The following LRP8 variants were observed in gnomAD, a reference collection of about 807,000 sequenced individuals.
LRP8 encodes the protein low-density lipoprotein receptor-related protein 8.
In LRP8, 46 loss-of-function variants were observed where a neutral mutation model predicts 111.6. That is an observed-to-expected ratio of 0.41 (90% CI 0.33 to 0.53). The LOEUF (loss-of-function observed/expected upper bound fraction) is 0.53. LRP8 is among the 20% of genes least tolerant of loss of function. LRP8 has a pLI of 0.20. For synonymous variants in LRP8, 464 were observed against 511.2 expected (o/e 0.91, Z 1.24); for missense variants, 959 against 1,297.4 (o/e 0.74, Z 4.01).
chr1:53,283,231 G>A (rs1016290349), intron 3 of LRP8, among the ~76,000 whole-genome samples: 1 of 152,070 alleles, frequency 6.6e-6, no homozygotes, highest in African/African-American at 2.4e-5. Context: ...GATGAAGCAA[G>A]GAGGTGCAGT....
chr1:53,254,198 G>C (rs147486467), intron 16 of LRP8, among the ~76,000 whole-genome samples: 1 of 152,046 alleles, frequency 6.6e-6, no homozygotes, highest in African/African-American at 2.4e-5. Context: ...ACAGGATACC[G>C]TGTGGTCATC....
intron 16 of LRP8, among the ~76,000 whole-genome samples, chr1:53,251,444 G>C (rs1170382939): frequency 6.6e-6 from 1 of 151,894 alleles, no homozygotes; most frequent in Non-Finnish European, 1.5e-5. Flanking sequence ...GAGACACAGA[G>C]GGCAACACAA....
chr1:53,320,863 G>A (rs1256801699), intron 2 of LRP8, among the ~76,000 whole-genome samples: 1 of 152,206 alleles, frequency 6.6e-6, no homozygotes, highest in Admixed American at 6.5e-5. Context: ...GCGCTCAGCG[G>A]GGAACGGCTT....
In LRP8 at chr1:53,249,264, C is replaced by A; in HGVS notation, c.2853+116G>T. 1 of 1,138,704 alleles carries A rather than the reference C, an allele frequency of 8.8e-7. No individual in the cohort carries two copies. Among genetic ancestry groups the A allele is most frequent in the South Asian group, 1.6e-5 (1 of 64,308 alleles). 70.5% of individuals were successfully genotyped at this position (1,138,704 alleles called of 1,614,324 possible). ...CCCATTTTTCTTCTTTGCCCCAACACCCAGCTTACAATTTGCAGCCTTCCC... is the reference window on the plus strand; with the variant it reads ...CCCATTTTTCTTCTTTGCCCCAACAACCAGCTTACAATTTGCAGCCTTCCC... On this transcript the variant is annotated intron_variant, in intron 18 of 18. Coordinates refer to ENST00000306052, the MANE Select transcript of LRP8 (RefSeq NM_004631.5). This position sits in a 1 kb window ranked among gnomAD's most constrained non-coding sequence, Gnocchi z 4.1.
chr1:53,249,331 T>C lies in LRP8; in HGVS notation c.2853+49A>G. 6.3e-7 allele frequency: 1 copy of C among 1,591,252 alleles called. No homozygotes were observed. On this transcript the variant is annotated intron_variant, in intron 18 of 18. Transcript: ENST00000306052. The surrounding 1 kb of genome is among the most constrained non-coding windows in gnomAD (Gnocchi z 4.1). Reference sequence around the variant, plus strand: ...TAGGATTGGCTGCGCCTGCCTTGGTTCATGCCCTCACTCACCAGCCCCTCA... The same window carrying C: ...TAGGATTGGCTGCGCCTGCCTTGGTCCATGCCCTCACTCACCAGCCCCTCA...
intron 2 of LRP8, among the ~76,000 whole-genome samples, chr1:53,313,310 C>T (rs541706505): frequency 6.6e-6 from 1 of 152,020 alleles, no homozygotes; most frequent in African/African-American, 2.4e-5. Context: ...CCACAGCAGG[C>T]GCTTCCCAGG....
At chr1:53,311,554 A>C (rs1652997852) in intron 2 of LRP8, among the ~76,000 whole-genome samples, 1 of 151,898 alleles carries the variant, frequency 6.6e-6, no homozygotes, top group African/African-American at 2.4e-5. Flanking sequence ...AGACTGTGAG[A>C]ACCACAGAGG....
intron 18 of LRP8, among the ~76,000 whole-genome samples, chr1:53,247,905 C>G (rs1645777628): frequency 6.6e-6 from 1 of 152,172 alleles, no homozygotes; most frequent in African/African-American, 2.4e-5. Context: ...TTGTTTGCCT[C>G]TTTTCCATTT....
chr1:53,306,494 G>T (rs971715604), intron 2 of LRP8, among the ~76,000 whole-genome samples: 4 of 152,200 alleles, frequency 2.6e-5, no homozygotes, highest in Admixed American at 2.0e-4. Context: ...CTGGGTTTTG[G>T]TCCCAGCTCT....
intron 2 of LRP8, among the ~76,000 whole-genome samples, chr1:53,324,182 C>T (rs1422876866): frequency 6.6e-6 from 1 of 152,194 alleles, no homozygotes; most frequent in Non-Finnish European, 1.5e-5. Context: ...GCACCTATCA[C>T]CCCTCCATCC....
Position 53,262,505 on chromosome 1 carries a change from C to T in LRP8, c.1715G>A (p.Gly572Asp). 2 of 1,614,190 alleles carry T rather than the reference C, an allele frequency of 1.2e-6. No individual in the cohort carries two copies. Among genetic ancestry groups the T allele is most frequent in the Non-Finnish European group, 1.7e-6 (2 of 1,180,038 alleles). ...TGACACCAGTGTTTGCCGGTCCACA[C>T]CGTTGAGCCCAGATTTCTCAATCTT... is the stretch of plus-strand genomic sequence containing the variant. ...QAKIEKSGLN[G>D]VDRQTLVSDN... is the part of the protein sequence containing the mutation. Residue 572 changes from glycine (G) to aspartate (D), a missense_variant, in exon 11 of 19, where the codon GGT becomes GAT. By Grantham distance (94) the Gly-to-Asp change is moderately conservative (BLOSUM62 -1). Around this residue, in one of 3 missense-constraint regions of LRP8, gnomAD observed 819 missense variants for 1,097.6 expected, o/e 0.75. Transcript: ENST00000306052. This position sits in a 1 kb window ranked among gnomAD's most constrained non-coding sequence, Gnocchi z 4.8.
chr1:53,273,501 G>A (rs1323748178), intron 6 of LRP8, among the ~76,000 whole-genome samples: 1 of 152,214 alleles, frequency 6.6e-6, no homozygotes, highest in Non-Finnish European at 1.5e-5. Flanking sequence ...ACAGACACAA[G>A]CACGTGTGTA....
rs1645835351 is a variant in LRP8, at chr1:53,249,660, C to G, written c.2677-104G>C. ...GCTGTGCCACTTTGTGGTCCTCATTCCCCCAAAAAGCCATGCTGTGTTGTA... is the reference window on the plus strand; with the variant it reads ...GCTGTGCCACTTTGTGGTCCTCATTGCCCCAAAAAGCCATGCTGTGTTGTA... On this transcript the variant is annotated intron_variant, in intron 17 of 18. Transcript: ENST00000306052. This position sits in a 1 kb window ranked among gnomAD's most constrained non-coding sequence, Gnocchi z 4.1. 6.3e-6 allele frequency: 9 copies of G among 1,435,652 alleles called. No homozygotes were observed. The highest frequency in any genetic ancestry group is 7.3e-6 in the Non-Finnish European group (8 of 1,093,884). The allele number at this position is 1,435,652 out of a possible 1,614,324, so 88.9% of individuals were successfully genotyped here. A position where few individuals can be genotyped will look rare whatever the true frequency, so the allele number is the denominator to read the frequency against.
rs959789000 is a variant in LRP8, at chr1:53,249,878, G to T, written c.2677-322C>A. On this transcript the variant is annotated intron_variant, in intron 17 of 18. Coordinates refer to ENST00000306052, the MANE Select transcript of LRP8 (RefSeq NM_004631.5). The surrounding 1 kb of genome is among the most constrained non-coding windows in gnomAD (Gnocchi z 4.1). Reference sequence around the variant, plus strand: ...CATGGCATCTGTTCAACAAATATTTGTTGGGAGTCAGCCATGCCGTGCTAG... The same window carrying T: ...CATGGCATCTGTTCAACAAATATTTTTTGGGAGTCAGCCATGCCGTGCTAG... Among the ~76,000 whole-genome samples the T allele has an allele frequency of 2.0e-5, 3 of 152,176 alleles. No individual in the cohort carries two copies. The highest frequency in any genetic ancestry group is 7.2e-5 in the African/African-American group (3 of 41,412).
rs1164959654 is a variant in LRP8, at chr1:53,289,645, G to A, written c.289C>T (p.His97Tyr). Residue 97 changes from histidine to tyrosine, a missense_variant, in exon 3 of 19, where the codon CAC becomes TAC. His to Tyr is a moderately conservative substitution (Grantham distance 83, BLOSUM62 2). Coordinates refer to ENST00000306052, the MANE Select transcript of LRP8 (RefSeq NM_004631.5). ...ADSDFTCDNG[H>Y]CIHERWKCDG... is the part of the protein sequence containing the mutation. Reference sequence around the variant, plus strand: ...CACTTCCACCGTTCGTGGATGCAGTGGCCGTTGTCACAGGTGAAGTCACTG... The same window carrying A: ...CACTTCCACCGTTCGTGGATGCAGTAGCCGTTGTCACAGGTGAAGTCACTG... 7.4e-6 allele frequency: 12 copies of A among 1,613,786 alleles called. No homozygotes were observed. Among genetic ancestry groups the A allele is most frequent in the Non-Finnish European group, 9.3e-6 (11 of 1,179,886 alleles).
chr1:53,284,263 C>CGGGCCACTTACTTACTACATACCT, intron 3 of LRP8, among the ~76,000 whole-genome samples: 1 of 149,794 alleles, frequency 6.7e-6, no homozygotes, highest in African/African-American at 2.5e-5. Context: ...ACTACATACC[C>CGGGCCACTTACTTACTACATACCT]GGGCCACTTA....
chr1:53,300,790 G>A (rs924410615), intron 2 of LRP8, among the ~76,000 whole-genome samples: 17 of 152,220 alleles, frequency 1.1e-4, no homozygotes, highest in Admixed American at 9.8e-4. Context: ...GTTCCACAAA[G>A]CCCTGCCTGG....
intron 3 of LRP8, among the ~76,000 whole-genome samples, chr1:53,287,120 G>A (rs538173717): frequency 6.6e-6 from 1 of 152,342 alleles, no homozygotes; most frequent in African/African-American, 2.4e-5. Context: ...CCTGGGAGCT[G>A]GCATAGCCCC....
chr1:53,252,889 A>G (rs1481985472), intron 16 of LRP8, among the ~76,000 whole-genome samples: 1 of 152,222 alleles, frequency 6.6e-6, no homozygotes, highest in Non-Finnish European at 1.5e-5. Flanking sequence ...AGCATAACAT[A>G]TCATGAAGTT....
Sources: gnomAD v4.1 joint callset for allele counts (sites outside exome capture counted in the v4.1 genomes callset) on GRCh38, gnomAD v4.1.1 for gene constraint, gnomAD v4.1.1 regional missense constraint, Gnocchi (gnomAD v3.1) non-coding constraint, MANE v1.5 for transcripts, NCBI Gene and HGNC (gene_info 2026-07-23, HGNC 2026-07-21) for gene names.